The following BCR variants were observed in gnomAD, a reference collection of about 807,000 sequenced individuals.
BCR encodes the protein breakpoint cluster region protein.
BCR carries 58 observed loss-of-function variants against 138.6 expected under a neutral mutation model. That is an observed-to-expected ratio of 0.42 (90% CI 0.34 to 0.52). The LOEUF (loss-of-function observed/expected upper bound fraction) is 0.52, where lower values mean the gene tolerates loss of function less well. BCR is among the 20% of genes least tolerant of loss of function. BCR has a pLI of 0.06. For synonymous variants in BCR, 786 were observed against 730.1 expected (o/e 1.08, Z -1.23); for missense variants, 1,599 against 1,727.2 (o/e 0.93, Z 1.32).
intron 1 of BCR, among the ~76,000 whole-genome samples, chr22:23,214,472 C>T (rs2072725730): frequency 6.6e-6 from 1 of 152,250 alleles, no homozygotes; most frequent in Non-Finnish European, 1.5e-5. Flanking sequence ...GGAGGTGCTG[C>T]TCTTGGCAGC....
intron 8 of BCR, among the ~76,000 whole-genome samples, chr22:23,274,716 T>C (rs922540916): frequency 2.0e-5 from 3 of 152,000 alleles, no homozygotes; most frequent in African/African-American, 7.3e-5. Flanking sequence ...GAGACCAGCC[T>C]GGCCAACATG....
At chr22:23,251,402 G>T (rs999224703) in intron 1 of BCR, among the ~76,000 whole-genome samples, 1 of 152,206 alleles carries the variant, frequency 6.6e-6, no homozygotes, top group Non-Finnish European at 1.5e-5. Flanking sequence ...TGTTGCCGAC[G>T]TGCAGCCAGG....
chr22:23,261,790 G>A (rs1185353756), intron 4 of BCR: 1 of 251,112 alleles, frequency 4.0e-6, no homozygotes, highest in Non-Finnish European at 7.6e-6. Flanking sequence ...AAAGAGATGG[G>A]GACTTACTAC....
intron 1 of BCR, among the ~76,000 whole-genome samples, chr22:23,217,349 G>C (rs978330100): frequency 6.6e-6 from 1 of 152,216 alleles, no homozygotes; most frequent in Non-Finnish European, 1.5e-5. Context: ...AACCTCTGCA[G>C]CCTGGCCTTC....
At chr22:23,226,335 T>A (rs1602036238) in intron 1 of BCR, among the ~76,000 whole-genome samples, 2 of 151,228 alleles carry the variant, frequency 1.3e-5, no homozygotes, top group East Asian at 1.9e-4. Context: ...AGAGTGTGTG[T>A]GTGTGTGTGT....
At chr22:23,270,892 G>A (rs2073502250) in intron 5 of BCR, among the ~76,000 whole-genome samples, 1 of 152,210 alleles carries the variant, frequency 6.6e-6, no homozygotes, top group Non-Finnish European at 1.5e-5. Context: ...GGGAATCTTA[G>A]CACCTCATTT....
At chr22:23,289,722 G>C (rs779080309) in intron 13 of BCR, 101 bp downstream of exon 13, 1 of 982,020 alleles carries the variant, frequency 1.0e-6, no homozygotes, top group Non-Finnish European at 1.6e-6. Context: ...GATGGGACTA[G>C]TGGACTTTGG....
rs1488209381 is a variant in BCR, at chr22:23,181,296, G to C, written c.336G>C (p.Glu112Asp). 6.0e-6 allele frequency: 8 copies of C among 1,334,272 alleles called. No individual in the cohort carries two copies. The highest frequency in any genetic ancestry group is 2.0e-5 in the South Asian group (1 of 49,370). The allele number at this position is 1,334,272 out of a possible 1,614,324, so 82.7% of individuals were successfully genotyped here. The change falls in exon 1 of 23, where the codon GAG (glutamate) becomes GAC (aspartate). Residue 112 changes from glutamate to aspartate, a missense_variant. Coordinates refer to ENST00000305877, the MANE Select transcript of BCR (RefSeq NM_004327.4). The part of the protein sequence containing the change: ...ADGADPPPAE[E>D]PEARPDGEGS... ...GAGCCGACCCGCCGCCCGCCGAGGA[G>C]CCCGAGGCCCGGCCCGACGGCGAGG...
intron 15 of BCR, 103 bp downstream of exon 15, chr22:23,292,741 CGAA>C (rs1020069420): frequency 4.2e-6 from 4 of 948,522 alleles, no homozygotes; most frequent in Non-Finnish European, 6.3e-6. Context: ...GGGCTTCCCC[CGAA>C]GGCAGTGCTG....
At chr22:23,187,874 C>A (rs143817048) in intron 1 of BCR, among the ~76,000 whole-genome samples, 2 of 152,184 alleles carry the variant, frequency 1.3e-5, no homozygotes, top group Non-Finnish European at 2.9e-5. Flanking sequence ...CGGGACAGAT[C>A]TTGTGTTTCT....
chr22:23,247,028 C>T lies in BCR; in HGVS notation c.1280-6771C>T, dbSNP rs375944337. On this transcript the variant is annotated intron_variant, in intron 1 of 22. Transcript: ENST00000305877. ...TGGACTCTGCACCCTTCATGAGACC[C>T]GAACCTCTGTCCCAGCCATGGTTTT... Among the ~76,000 whole-genome samples the T allele has an allele frequency of 1.0e-3, 159 of 152,190 alleles. 1 individual carries two copies. The highest frequency in any genetic ancestry group is 3.5e-3 in the African/African-American group (144 of 41,526).
chr22:23,212,652 T>C (rs377354054), intron 1 of BCR, among the ~76,000 whole-genome samples: 46 of 152,318 alleles, frequency 3.0e-4, no homozygotes, highest in African/African-American at 1.1e-3. Context: ...GGAATGAGCA[T>C]GTGGACTTGG....
At chr22:23,273,909 C>T (rs2073540400) in intron 8 of BCR, 135 bp downstream of exon 8, 2 of 1,268,106 alleles carry the variant, frequency 1.6e-6, no homozygotes, top group South Asian at 1.4e-5. Flanking sequence ...AGATTGGCCG[C>T]ACACTCAGTC....
intron 7 of BCR, 41 bp downstream of exon 7, chr22:23,273,174 C>A: frequency 6.3e-7 from 1 of 1,595,002 alleles, no homozygotes; most frequent in Non-Finnish European, 8.6e-7. Flanking sequence ...CAAAACTGCC[C>A]CCTCGGGCAC....
chr22:23,284,561 A>G (rs962903837), intron 9 of BCR, among the ~76,000 whole-genome samples: 2 of 152,320 alleles, frequency 1.3e-5, no homozygotes, highest in African/African-American at 4.8e-5. Context: ...GGGAAGGACC[A>G]GCACGGGGCT....
At chr22:23,259,832 G>GT (rs367569725) in intron 2 of BCR, among the ~76,000 whole-genome samples, 1 of 152,124 alleles carries the variant, frequency 6.6e-6, no homozygotes, top group Non-Finnish European at 1.5e-5. Flanking sequence ...CCCCAAAAAT[G>GT]TTTAAGTTAG....
intron 4 of BCR, 140 bp from the exon 5 acceptor site, chr22:23,268,268 G>A (rs985908386): frequency 6.5e-5 from 40 of 617,944 alleles, no homozygotes; most frequent in East Asian, 2.7e-4. Context: ...GGAGCAGCAC[G>A]GAAGCGCCGA....
At chr22:23,214,207 T>G (rs2072722063) in intron 1 of BCR, among the ~76,000 whole-genome samples, 1 of 124,532 alleles carries the variant, frequency 8.0e-6, no homozygotes, top group Non-Finnish European at 1.5e-5. Context: ...GTTTGGTTTG[T>G]TTTTTTTTTT....
In BCR at chr22:23,292,598, C is replaced by G; in HGVS notation, c.2840C>G (p.Thr947Arg). ...GGGTATTTTGTGAATAAAGCAAAGA[C>G]GCGCGTCTACAGGGACACAGCTGAG... ...SFGYFVNKAK[T>R]RVYRDTAEPN... Residue 947 changes from threonine (T) to arginine (R), a missense_variant, in exon 15 of 23, where the codon ACG becomes AGG. Physicochemically the swap from Thr to Arg is moderately conservative, Grantham distance 71. This residue lies in a region of BCR where 590 missense variants were observed against 762.4 expected (regional missense o/e 0.77). Transcript: ENST00000305877. 6.2e-7 allele frequency: 1 copy of G among 1,613,486 alleles called. No individual in the cohort carries two copies. Among genetic ancestry groups the G allele is most frequent in the Non-Finnish European group, 8.5e-7 (1 of 1,179,602 alleles).
Sources: allele counts gnomAD v4.1 joint callset (sites outside exome capture counted in the v4.1 genomes callset), GRCh38; gene constraint gnomAD v4.1.1; regional missense constraint gnomAD v4.1.1; transcripts MANE v1.5; gene names NCBI Gene and HGNC (gene_info 2026-07-23, HGNC 2026-07-21).